The following CDH12 variants were observed in gnomAD, a reference collection of about 807,000 sequenced individuals.
CDH12 encodes the protein cadherin-12.
CDH12 carries 41 observed loss-of-function variants against 74.1 expected under a neutral mutation model. That is an observed-to-expected ratio of 0.55 (90% confidence interval 0.43 to 0.72). CDH12 has a LOEUF of 0.72. CDH12 is among the 30% of genes least tolerant of loss of function. The probability of loss-of-function intolerance (pLI) is 0.00; values close to 1 mark genes in which losing one functional copy is unlikely to be tolerated. For synonymous variants in CDH12, 399 were observed against 355.0 expected (o/e 1.12, Z -1.39); for missense variants, 945 against 977.2 (o/e 0.97, Z 0.44).
chr5:22,132,088 C>T (rs1343978893), intron 4 of CDH12, among the ~76,000 whole-genome samples: 1 of 152,130 alleles, frequency 6.6e-6, no homozygotes, highest in Non-Finnish European at 1.5e-5. Context: ...AATCTCCTCA[C>T]CTCCCTCTCT....
At chr5:22,674,228 G>T (rs567912172) in intron 1 of CDH12, among the ~76,000 whole-genome samples, 3 of 152,300 alleles carry the variant, frequency 2.0e-5, no homozygotes, top group African/African-American at 4.8e-5. Context: ...TTGTGGGAGG[G>T]ATCTGGTGGG....
intron 5 of CDH12, among the ~76,000 whole-genome samples, chr5:22,034,464 G>A (rs935827507): frequency 3.3e-5 from 5 of 152,070 alleles, no homozygotes; most frequent in East Asian, 1.9e-4. Context: ...TATGATGCAC[G>A]GTGTGTTTCC....
chr5:22,073,202 T>G (rs900997699), intron 5 of CDH12, among the ~76,000 whole-genome samples: 1 of 152,142 alleles, frequency 6.6e-6, no homozygotes, highest in African/African-American at 2.4e-5. Context: ...GTTAAATAAA[T>G]GGATGTCTCT....
intron 3 of CDH12, among the ~76,000 whole-genome samples, chr5:22,271,908 G>A (rs1158726189): frequency 6.6e-6 from 1 of 152,122 alleles, no homozygotes; most frequent in Non-Finnish European, 1.5e-5. Context: ...CACAGGCAGA[G>A]TAGATTTAGC....
At chr5:22,742,371 C>T (rs1285812269) in intron 1 of CDH12, among the ~76,000 whole-genome samples, 1 of 151,900 alleles carries the variant, frequency 6.6e-6, no homozygotes, top group East Asian at 1.9e-4. Flanking sequence ...ACAAGAAAAC[C>T]AAGGGAGAAT....
intron 1 of CDH12, among the ~76,000 whole-genome samples, chr5:22,718,468 G>A (rs1163597945): frequency 6.6e-6 from 1 of 152,168 alleles, no homozygotes; most frequent in East Asian, 1.9e-4. Flanking sequence ...AATAACGGTT[G>A]ATGAAAACAA....
chr5:22,496,583 A>C (rs568162512), intron 2 of CDH12, among the ~76,000 whole-genome samples: 8 of 152,268 alleles, frequency 5.3e-5, no homozygotes, highest in African/African-American at 1.9e-4. Flanking sequence ...TTGAAAATTA[A>C]TTCTGTCTTT....
chr5:22,622,650 T>A (rs1738037363), intron 1 of CDH12, among the ~76,000 whole-genome samples: 1 of 151,952 alleles, frequency 6.6e-6, no homozygotes, highest in African/African-American at 2.4e-5. Flanking sequence ...AATAGACCAA[T>A]AACAGGCTCT....
chr5:22,251,514 T>C (rs1431291255), intron 3 of CDH12, among the ~76,000 whole-genome samples: 1 of 152,208 alleles, frequency 6.6e-6, no homozygotes, highest in Non-Finnish European at 1.5e-5. Flanking sequence ...ACTAAAGCCG[T>C]ATGAAAATGG....
intron 4 of CDH12, among the ~76,000 whole-genome samples, chr5:22,155,033 C>T (rs1353352664): frequency 6.6e-6 from 1 of 152,094 alleles, no homozygotes; most frequent in East Asian, 1.9e-4. Flanking sequence ...GTGACCTCAC[C>T]TCCTCCAGGC....
intron 1 of CDH12, among the ~76,000 whole-genome samples, chr5:22,645,355 G>A (rs1349315286): frequency 6.6e-6 from 1 of 152,104 alleles, no homozygotes; most frequent in Non-Finnish European, 1.5e-5. Flanking sequence ...GGAAGTAACT[G>A]CAGATGTGGT....
At chr5:22,284,589 G>A (rs915444228) in intron 3 of CDH12, among the ~76,000 whole-genome samples, 2 of 152,114 alleles carry the variant, frequency 1.3e-5, no homozygotes, top group Admixed American at 6.6e-5. Flanking sequence ...AGCAAACTAG[G>A]AAATAGAGTC....
intron 2 of CDH12, among the ~76,000 whole-genome samples, chr5:22,479,821 A>G (rs1313634499): frequency 6.6e-6 from 1 of 152,182 alleles, no homozygotes; most frequent in East Asian, 1.9e-4. Context: ...AATGTTTCAT[A>G]TGTCTTTACT....
chr5:22,808,668 C>T (rs369960449), intron 1 of CDH12, among the ~76,000 whole-genome samples: 25 of 127,812 alleles, frequency 2.0e-4, no homozygotes, highest in African/African-American at 5.2e-4. Context: ...TGCAGTGGTG[C>T]GATCTCAGCT....
chr5:22,179,893 G>A (rs1433528866), intron 4 of CDH12, among the ~76,000 whole-genome samples: 2 of 152,140 alleles, frequency 1.3e-5, no homozygotes, highest in African/African-American at 4.8e-5. Context: ...TCACCAAACA[G>A]AGTGGTATTA....
intron 4 of CDH12, among the ~76,000 whole-genome samples, chr5:22,192,145 G>C (rs1166053745): frequency 6.6e-6 from 1 of 151,938 alleles, no homozygotes; most frequent in Non-Finnish European, 1.5e-5. Flanking sequence ...TGTTGGCCAG[G>C]ATGGTCTCAA....
At chr5:22,416,060 C>CTTTTTTTT (rs58606764) in intron 2 of CDH12, among the ~76,000 whole-genome samples, 3 of 65,122 alleles carry the variant, frequency 4.6e-5, no homozygotes, top group East Asian at 5.5e-4. Context: ...ACTTGTAGGT[C>CTTTTTTTT]TTTTTTTTTT....
chr5:22,543,881 A>G (rs1738204575), intron 1 of CDH12, among the ~76,000 whole-genome samples: 5 of 152,038 alleles, frequency 3.3e-5, no homozygotes, highest in Non-Finnish European at 5.9e-5. Flanking sequence ...AAAATAAAAC[A>G]CATCAAATAC....
intron 3 of CDH12, among the ~76,000 whole-genome samples, chr5:22,377,657 A>T (rs1423894885): frequency 6.6e-6 from 1 of 152,190 alleles, no homozygotes; most frequent in East Asian, 1.9e-4. Flanking sequence ...TCCTTTAAAC[A>T]CCTCACTTTC....
Sources: allele counts gnomAD v4.1 joint callset (sites outside exome capture counted in the v4.1 genomes callset), GRCh38; gene constraint gnomAD v4.1.1; transcripts MANE v1.5; gene names NCBI Gene and HGNC (gene_info 2026-07-23, HGNC 2026-07-21).